HDAC11: variants seen among roughly 807,000 people sequenced by gnomAD.
HDAC11 encodes the protein histone deacetylase 11.
HDAC11 carries 23 observed loss-of-function variants against 41.1 expected under a neutral mutation model. The observed-to-expected ratio is 0.56, with a 90% CI of 0.40 to 0.79. The LOEUF (loss-of-function observed/expected upper bound fraction) is 0.79. HDAC11 is among the 30% of genes least tolerant of loss of function. HDAC11 has a pLI of 0.00. For synonymous variants in HDAC11, 187 were observed against 186.6 expected (o/e 1.00, Z -0.02); for missense variants, 402 against 477.3 (o/e 0.84, Z 1.47).
chr3:13,493,984 G>A (rs1701977857), intron 3 of HDAC11, among the ~76,000 whole-genome samples: 1 of 152,236 alleles, frequency 6.6e-6, no homozygotes, highest in African/African-American at 2.4e-5. Flanking sequence ...ACATCTGGGG[G>A]GAGCAAAGTT....
At chr3:13,481,447 T>A in intron 2 of HDAC11, 53 bp downstream of exon 2, 1 of 1,592,546 alleles carries the variant, frequency 6.3e-7, no homozygotes, top group Non-Finnish European at 8.6e-7. Context: ...CCACCTGTCC[T>A]CTCCGTCCTC....
intron 4 of HDAC11, among the ~76,000 whole-genome samples, chr3:13,497,414 A>G (rs1702150486): frequency 2.0e-5 from 3 of 151,860 alleles, no homozygotes; most frequent in Admixed American, 1.3e-4. Flanking sequence ...CCTGACCTCA[A>G]ATGATCCACT....
At chr3:13,492,266 T>C (rs761871103) in intron 3 of HDAC11, among the ~76,000 whole-genome samples, 61 of 152,154 alleles carry the variant, frequency 4.0e-4, no homozygotes, top group Non-Finnish European at 8.4e-4. Context: ...ATGGCTCTCC[T>C]GGGATGATGC....
Position 13,502,698 on chromosome 3 carries a change from G to A in HDAC11, c.553-186G>A. On this transcript the variant is annotated intron_variant, in intron 7 of 9. Coordinates refer to ENST00000295757, the MANE Select transcript of HDAC11 (RefSeq NM_024827.4). This position sits in a 1 kb window ranked among gnomAD's most constrained non-coding sequence, Gnocchi z 4.1. ...GGCTTGCTCAAGCCCATGCTAGAAG[G>A]TGTCGGGGCCTGGTTTTAAGGTTGA... The A allele has an allele frequency of 3.4e-6, 2 of 583,062 alleles. No individual in the cohort carries two copies. Among genetic ancestry groups the A allele is most frequent in the Non-Finnish European group, 6.2e-6 (2 of 322,854 alleles). 36.1% of individuals were successfully genotyped at this position (583,062 alleles called of 1,614,324 possible). A position where few individuals can be genotyped will look rare whatever the true frequency, so the allele number is the denominator to read the frequency against.
At chr3:13,493,717 G>T (rs537960844) in intron 3 of HDAC11, among the ~76,000 whole-genome samples, 1 of 152,314 alleles carries the variant, frequency 6.6e-6, no homozygotes, top group Admixed American at 6.5e-5. Flanking sequence ...GAAGCCTGCT[G>T]CTCCGCTGAG....
chr3:13,503,970 G>A (rs1372809094), intron 8 of HDAC11, 124 bp from the exon 9 acceptor site: 1 of 858,452 alleles, frequency 1.2e-6, no homozygotes, highest in Non-Finnish European at 1.8e-6. Context: ...GTTTTGGGTG[G>A]AATGAGGCTG....
Position 13,505,259 on chromosome 3 carries a change from A to AG in HDAC11, c.*580dup, listed in dbSNP as rs1444723959. On this transcript the variant is annotated 3_prime_UTR_variant, in exon 10 of 10. Transcript: ENST00000295757. ...GGTGGGAACCCTGGGCCTGGATGTG[A>AG]GGGGCGGTCAGGAAGGGGTACAGGT... is the stretch of plus-strand genomic sequence containing the variant. 1 of 160,278 alleles carries AG rather than the reference A, an allele frequency of 6.2e-6. No homozygotes were observed. Among genetic ancestry groups the AG allele is most frequent in the Non-Finnish European group, 1.4e-5 (1 of 72,378 alleles). The allele number at this position is 160,278 out of a possible 1,614,324, so 9.9% of individuals were successfully genotyped here. A position where few individuals can be genotyped will look rare whatever the true frequency, so the allele number is the denominator to read the frequency against.
At chr3:13,497,895 C>T (rs1291940737) in intron 4 of HDAC11, among the ~76,000 whole-genome samples, 4 of 126,154 alleles carry the variant, frequency 3.2e-5, no homozygotes, top group African/African-American at 8.9e-5. Context: ...TCACTCTGTC[C>T]TCCAGGCTGG....
intron 3 of HDAC11, among the ~76,000 whole-genome samples, chr3:13,489,101 G>A (rs540313820): frequency 6.6e-6 from 1 of 152,118 alleles, no homozygotes; most frequent in South Asian, 2.1e-4. Flanking sequence ...TTTTAAAATT[G>A]GCTTGTCTTT....
rs778634667 is a variant in HDAC11, at chr3:13,504,639, G to A, written c.1000G>A (p.Ala334Thr). The change falls in exon 10 of 10, where the codon GCA becomes ACA. Residue 334 changes from alanine (A) to threonine (T), a missense_variant. Coordinates refer to ENST00000295757, the MANE Select transcript of HDAC11 (RefSeq NM_024827.4). ...TGGGCCTGAGTCACCCAGCGTCTCC[G>A]CACAGAACTCAGACACACCGCTGCT... Reference protein sequence around the residue: ...LIGPESPSVSAQNSDTPLLPP... With the variant: ...LIGPESPSVSTQNSDTPLLPP... 25 of 1,613,834 alleles carry A rather than the reference G, an allele frequency of 1.5e-5. No homozygotes were observed. Among genetic ancestry groups the A allele is most frequent in the Middle Eastern group, 1.6e-4 (1 of 6,062 alleles).
rs59531656 is a variant in HDAC11, at chr3:13,490,744, C to CTTTTTTTTTTTTTTT, written c.253-5980_253-5966dup. 2.2e-4 allele frequency among the ~76,000 whole-genome samples: 9 copies of CTTTTTTTTTTTTTTT among 41,406 alleles called. 1 individual carries two copies. Among genetic ancestry groups the CTTTTTTTTTTTTTTT allele is most frequent in the African/African-American group, 3.1e-4 (3 of 9,714 alleles). 27.2% of individuals were successfully genotyped at this position (41,406 alleles called of 152,430 possible). A position where few individuals can be genotyped will look rare whatever the true frequency, so the allele number is the denominator to read the frequency against. On this transcript the variant is annotated intron_variant, in intron 3 of 9. Transcript: ENST00000295757. ...TGAATTTGTTTCTTAGCATTTTTTTCTTTTTTTTTTTTTTTTTTTTTTTTT... is the reference window on the plus strand; with the variant it reads ...TGAATTTGTTTCTTAGCATTTTTTTCTTTTTTTTTTTTTTTTTTTTTTTTTTTTTTTTTTTTTTTT...
At position 13,497,854 on chromosome 3, in the gene HDAC11, C is replaced by CTTTTTTT. The variant is rs10667297; in HGVS notation, c.370-646_370-640dup. ...TTAGTCTACTATATTTCTTTTTTTG[C>CTTTTTTT]TTTTTTTTTTTTTTTTTTTGAGACA... On this transcript the variant is annotated intron_variant, in intron 4 of 9. Coordinates refer to ENST00000295757, the MANE Select transcript of HDAC11 (RefSeq NM_024827.4). Among the ~76,000 whole-genome samples the CTTTTTTT allele has an allele frequency of 6.6e-5, 7 of 106,080 alleles. 1 individual carries two copies. Among genetic ancestry groups the CTTTTTTT allele is most frequent in the African/African-American group, 1.5e-4 (4 of 26,994 alleles). 69.6% of individuals were successfully genotyped at this position (106,080 alleles called of 152,430 possible). A position where few individuals can be genotyped will look rare whatever the true frequency, so the allele number is the denominator to read the frequency against.
intron 3 of HDAC11, among the ~76,000 whole-genome samples, chr3:13,486,578 T>G (rs983978539): frequency 9.7e-4 from 130 of 133,776 alleles, no homozygotes; most frequent in Non-Finnish European, 1.2e-3. Flanking sequence ...GGTGTTTTTT[T>G]TTTTTTTTTT....
chr3:13,503,161 C>A, intron 8 of HDAC11, 181 bp downstream of exon 8: 1 of 496,012 alleles, frequency 2.0e-6, no homozygotes, highest in Non-Finnish European at 3.6e-6. Context: ...CTCGACCCAC[C>A]CAAGATCACA....
intron 5 of HDAC11, among the ~76,000 whole-genome samples, chr3:13,499,164 A>T (rs1702239643): frequency 6.6e-6 from 1 of 152,020 alleles, no homozygotes; most frequent in Non-Finnish European, 1.5e-5. Flanking sequence ...GCTCTTTTTC[A>T]CCAGGCTCTT....
chr3:13,495,046 C>T (rs1229474906), intron 3 of HDAC11, among the ~76,000 whole-genome samples: 3 of 152,094 alleles, frequency 2.0e-5, no homozygotes, highest in South Asian at 2.1e-4. Context: ...AAAACTCCTC[C>T]TCCTGGTTGG....
chr3:13,504,639 G>T lies in HDAC11; in HGVS notation c.1000G>T (p.Ala334Ser), dbSNP rs778634667. 2.5e-6 allele frequency: 4 copies of T among 1,613,834 alleles called. No individual in the cohort carries two copies. The highest frequency in any genetic ancestry group is 1.7e-6 in the Non-Finnish European group (2 of 1,180,034). Reference protein sequence around the residue: ...LIGPESPSVSAQNSDTPLLPP... With the variant: ...LIGPESPSVSSQNSDTPLLPP... ...TGGGCCTGAGTCACCCAGCGTCTCC[G>T]CACAGAACTCAGACACACCGCTGCT... The change falls in exon 10 of 10, where the codon GCA (alanine) becomes TCA (serine). Residue 334 changes from alanine (A) to serine (S), a missense_variant. Transcript: ENST00000295757.
chr3:13,499,543 G>T (rs1278893022), intron 5 of HDAC11, among the ~76,000 whole-genome samples: 2 of 152,200 alleles, frequency 1.3e-5, no homozygotes, highest in African/African-American at 4.8e-5. Flanking sequence ...AATGGCCATG[G>T]AAAGATGCGT....
Position 13,504,724 on chromosome 3 carries a change from C to G in HDAC11, c.*41C>G, listed in dbSNP as rs1245086090. ...CTGTCACGTGGCCCTGCCTATCCGC[C>G]CCTTAGTGCTTTTTGTTTTCTAACC... On this transcript the variant is annotated 3_prime_UTR_variant, in exon 10 of 10. Transcript: ENST00000295757. 2 of 1,554,784 alleles carry G rather than the reference C, an allele frequency of 1.3e-6. No individual in the cohort carries two copies. Among genetic ancestry groups the G allele is most frequent in the Admixed American group, 1.7e-5 (1 of 59,780 alleles).
Sources: gnomAD v4.1 joint callset for allele counts (sites outside exome capture counted in the v4.1 genomes callset) on GRCh38, gnomAD v4.1.1 for gene constraint, Gnocchi (gnomAD v3.1) non-coding constraint, MANE v1.5 for transcripts, NCBI Gene and HGNC (gene_info 2026-07-23, HGNC 2026-07-21) for gene names.